The following RILPL1 variants were observed in gnomAD, a reference collection of about 807,000 sequenced individuals.
RILPL1 encodes RILP-like protein 1.
Under a neutral mutation model 50.3 loss-of-function variants are expected in RILPL1, and 33 were observed. The observed-to-expected ratio is 0.66, with a 90% CI of 0.50 to 0.88. The LOEUF is 0.88. Ranked by LOEUF, RILPL1 falls within the 40% of genes least tolerant of loss-of-function variation. The pLI, the probability that RILPL1 is intolerant of heterozygous loss-of-function variation, is 0.00. For missense variants in RILPL1, 418 were observed against 542.5 expected, an observed-to-expected ratio of 0.77 and a Z score of 2.28; for synonymous variants, 205 against 228.6, an observed-to-expected ratio of 0.90 and a Z score of 0.93.
At chr12:123,517,963 C>T (rs1171795947) in intron 2 of RILPL1, among the ~76,000 whole-genome samples, 1 of 151,966 alleles carries the variant, frequency 6.6e-6, no homozygotes, top group African/African-American at 2.4e-5. Context: ...GTGAAATAAG[C>T]CAGACAAAAA....
rs569191648 is a variant in RILPL1, at chr12:123,505,640, T to C, written c.461-6104A>G. ...GCCATCGAGTTTTTGTTTTCTGTTT[T>C]TTTTGACCCAGGGTCTCTGTCACCT... On this transcript the variant is annotated intron_variant, in intron 2 of 6. Coordinates refer to ENST00000376874, the MANE Select transcript of RILPL1 (RefSeq NM_178314.5). Among the ~76,000 whole-genome samples the C allele has an allele frequency of 2.0e-5, 3 of 151,288 alleles. No individual in the cohort carries two copies. The South Asian group carries it at 6.3e-4, about 32-fold the overall frequency.
chr12:123,526,543 G>T (rs1029610217), intron 1 of RILPL1, among the ~76,000 whole-genome samples: 1 of 152,124 alleles, frequency 6.6e-6, no homozygotes, highest in Non-Finnish European at 1.5e-5. Context: ...GAATATGCCC[G>T]GCACCCAGAA....
chr12:123,503,341 C>T (rs924258716), intron 2 of RILPL1, among the ~76,000 whole-genome samples: 1 of 151,592 alleles, frequency 6.6e-6, no homozygotes, highest in Non-Finnish European at 1.5e-5. Context: ...TCTGGGATTA[C>T]AGGCACCTGC....
chr12:123,508,688 T>G (rs1883907263), intron 2 of RILPL1, among the ~76,000 whole-genome samples: 1 of 152,032 alleles, frequency 6.6e-6, no homozygotes, highest in Admixed American at 6.6e-5. Flanking sequence ...TGTGTTCACT[T>G]CACTCTAAGT....
intron 6 of RILPL1, among the ~76,000 whole-genome samples, chr12:123,479,113 C>T (rs987300932): frequency 2.6e-5 from 4 of 151,488 alleles, no homozygotes; most frequent in African/African-American, 4.9e-5. Flanking sequence ...AAAATGGTGG[C>T]GGGGGTGGGA....
rs775134071 is a variant in RILPL1, at chr12:123,498,560, C to G, written c.785G>C (p.Gly262Ala). The G allele has an allele frequency of 1.7e-5, 27 of 1,613,384 alleles. No homozygotes were observed. Among genetic ancestry groups the G allele is most frequent in the East Asian group, 2.2e-5 (1 of 44,896 alleles). The change falls in exon 4 of 7, where the codon GGG becomes GCG. Residue 262 changes from glycine (G) to alanine (A), a missense_variant. Transcript: ENST00000376874. This position sits in a 1 kb window ranked among gnomAD's most constrained non-coding sequence, Gnocchi z 4.3. ...ERLQGEHSQN[G>A]EEEPETEPVG... is the part of the protein sequence containing the mutation. ...CCTGCTCACCTCAGGCTCCTCCTCC[C>G]CATTCTGGCTGTGCTCCCCCTGCAG...
chr12:123,483,178 G>A (rs1882112226), intron 6 of RILPL1, among the ~76,000 whole-genome samples: 1 of 152,222 alleles, frequency 6.6e-6, no homozygotes, highest in African/African-American at 2.4e-5. Context: ...TGGAAGGCAG[G>A]CCCAGAGCCT....
chr12:123,486,757 A>C (rs893313832), intron 4 of RILPL1, among the ~76,000 whole-genome samples: 1 of 151,972 alleles, frequency 6.6e-6, no homozygotes, highest in African/African-American at 2.4e-5. Context: ...CTTGTGCCTC[A>C]GCCTCCCGAG....
At chr12:123,504,000 CAAAA>C (rs552223986) in intron 2 of RILPL1, among the ~76,000 whole-genome samples, 6 of 104,556 alleles carry the variant, frequency 5.7e-5, no homozygotes, top group Admixed American at 1.0e-4. Flanking sequence ...GACTCTATCT[CAAAA>C]AAAAAAAAAA....
rs1186650901 is a variant in RILPL1 at position 123,471,984 on chromosome 12, T to C, written c.*554A>G. 1.3e-5 allele frequency: 2 copies of C among 153,956 alleles called. No individual in the cohort carries two copies. Among genetic ancestry groups the C allele is most frequent in the African/African-American group, 4.8e-5 (2 of 41,448 alleles). 9.5% of individuals were successfully genotyped at this position (153,956 alleles called of 1,614,324 possible). On this transcript the variant is annotated 3_prime_UTR_variant, in exon 7 of 7. Coordinates refer to ENST00000376874, the MANE Select transcript of RILPL1 (RefSeq NM_178314.5). ...CTGGGTAAGAGGACCATCATCCATA[T>C]TGTCTGTGGCTTTGTGTCTGAGTTG...
At chr12:123,479,772 C>T (rs749996751) in intron 6 of RILPL1, among the ~76,000 whole-genome samples, 1 of 152,204 alleles carries the variant, frequency 6.6e-6, no homozygotes, top group Non-Finnish European at 1.5e-5. Flanking sequence ...CTGAGTCTGT[C>T]CCTGCCCGGC....
At chr12:123,486,626 A>T (rs1195001711) in intron 4 of RILPL1, among the ~76,000 whole-genome samples, 2 of 152,188 alleles carry the variant, frequency 1.3e-5, no homozygotes, top group African/African-American at 4.8e-5. Context: ...TCATACCAAA[A>T]GGAAAACCCA....
At chr12:123,510,970 TGTGTGTGTG>T (rs1159729808) in intron 2 of RILPL1, among the ~76,000 whole-genome samples, 2 of 141,780 alleles carry the variant, frequency 1.4e-5, no homozygotes, top group African/African-American at 5.7e-5. Context: ...GTGAGGTCTG[TGTGTGTGTG>T]GTGTGTGTGA....
intron 6 of RILPL1, among the ~76,000 whole-genome samples, chr12:123,478,253 G>A (rs1367093864): frequency 4.0e-5 from 6 of 151,776 alleles, no homozygotes; most frequent in Non-Finnish European, 7.4e-5. Context: ...CCCCCACCTC[G>A]GCCTCCCAAA....
chr12:123,484,126 G>T (rs1882168782), intron 6 of RILPL1, 54 bp downstream of exon 6: 2 of 1,183,236 alleles, frequency 1.7e-6, no homozygotes, highest in African/African-American at 1.5e-5. Context: ...AAAGTCAAAG[G>T]ACACGTGAAC....
At position 123,523,494 on chromosome 12, in the gene RILPL1, C is replaced by A; in HGVS notation, c.460+1G>T. The A allele has an allele frequency of 6.2e-7, 1 of 1,613,998 alleles. No homozygotes were observed. Among genetic ancestry groups the A allele is most frequent in the Admixed American group, 1.7e-5 (1 of 60,028 alleles). ...TTGCATTGGCGCCGACCCCCACTTA[C>A]CTTCATGCTTCTGGAACTCCTCCTC... On this transcript the variant is annotated splice_donor_variant, in intron 2 of 6. Transcript: ENST00000376874. LOFTEE classifies it high-confidence loss of function.
At chr12:123,521,606 TACAC>T (rs762964864) in intron 2 of RILPL1, among the ~76,000 whole-genome samples, 1 of 93,170 alleles carries the variant, frequency 1.1e-5, no homozygotes, top group Non-Finnish European at 2.2e-5. Flanking sequence ...TTAATATATA[TACAC>T]ACATATGTGT....
At chr12:123,480,450 C>G (rs549666504) in intron 6 of RILPL1, among the ~76,000 whole-genome samples, 1 of 152,008 alleles carries the variant, frequency 6.6e-6, no homozygotes, top group East Asian at 1.9e-4. Context: ...GTTGAGCCAC[C>G]GTGCCCGGCC....
Position 123,498,692 on chromosome 12 carries a change from T to C in RILPL1, c.653A>G (p.Gln218Arg). Residue 218 changes from glutamine (Q) to arginine (R), a missense_variant, in exon 4 of 7, where the codon CAG becomes CGG. Physicochemically the swap from Gln to Arg is conservative, Grantham distance 43 (BLOSUM62 1). Coordinates refer to ENST00000376874, the MANE Select transcript of RILPL1 (RefSeq NM_178314.5). The surrounding 1 kb of genome is among the most constrained non-coding windows in gnomAD (Gnocchi z 4.3). ...LRHRVTVVEA[Q>R]GKALIEQKVE... ...CTTCTGTTCGATCAGGGCTTTCCCC[T>C]GGGCCTCCACCACCGTGACCCGGTG... 1.2e-6 allele frequency: 2 copies of C among 1,613,710 alleles called. No individual in the cohort carries two copies. Among genetic ancestry groups the C allele is most frequent in the South Asian group, 2.2e-5 (2 of 91,078 alleles).
Sources: gnomAD v4.1 joint callset for allele counts (sites outside exome capture counted in the v4.1 genomes callset) on GRCh38, gnomAD v4.1.1 for gene constraint, Gnocchi (gnomAD v3.1) non-coding constraint, MANE v1.5 for transcripts, NCBI Gene and HGNC (gene_info 2026-07-23, HGNC 2026-07-21) for gene names.